Variants in CMBL observed in about 807,000 individuals in gnomAD.
CMBL encodes carboxymethylenebutenolidase homolog (Pseudomonas).
CMBL carries 17 observed loss-of-function variants against 28.7 expected under a neutral mutation model. The observed-to-expected ratio is 0.59, with a 90% CI of 0.41 to 0.89. The LOEUF (loss-of-function observed/expected upper bound fraction) is 0.89, where lower values mean the gene tolerates loss of function less well. CMBL is among the 40% of genes least tolerant of loss of function. CMBL has a pLI of 0.00. For missense variants in CMBL, 310 were observed against 298.5 expected (o/e 1.04, Z -0.28); for synonymous variants, 106 against 101.6 (o/e 1.04, Z -0.26).
At chr5:10,293,835 C>T (rs988094661) in intron 1 of CMBL, among the ~76,000 whole-genome samples, 19 of 152,214 alleles carry the variant, frequency 1.2e-4, no homozygotes, top group African/African-American at 4.6e-4. Context: ...CCTCAGGAAG[C>T]ACATTCTAGT....
chr5:10,291,242 TC>T (rs1309628313), intron 1 of CMBL, among the ~76,000 whole-genome samples: 2 of 152,104 alleles, frequency 1.3e-5, no homozygotes, highest in Non-Finnish European at 2.9e-5. Flanking sequence ...GCCTGCAATG[TC>T]GAGCCCCAAA....
chr5:10,304,285 C>T (rs1444322538), intron 1 of CMBL, among the ~76,000 whole-genome samples: 1 of 152,154 alleles, frequency 6.6e-6, no homozygotes, highest in Non-Finnish European at 1.5e-5. Context: ...AGGAGGAGCA[C>T]TTGGGCCCAG....
chr5:10,283,771 A>T (rs1465755133), intron 4 of CMBL, among the ~76,000 whole-genome samples: 3 of 152,180 alleles, frequency 2.0e-5, no homozygotes, highest in Non-Finnish European at 4.4e-5. Context: ...CTCAAAAAAT[A>T]ATAACAATAG....
At position 10,288,669 on chromosome 5, in the gene CMBL, G is replaced by C. The variant is rs564371257; in HGVS notation, c.216-140C>G. On this transcript the variant is annotated intron_variant, in intron 2 of 5. Transcript: ENST00000296658. ...AGTAGTGGGTGTGAAGGCCAATTTTGATCGCAGCAAAGCAGCCACCTGGCA... is the reference window on the plus strand; with the variant it reads ...AGTAGTGGGTGTGAAGGCCAATTTTCATCGCAGCAAAGCAGCCACCTGGCA... 1.2e-5 allele frequency: 8 copies of C among 666,212 alleles called. No homozygotes were observed. In the African/African-American group the frequency reaches 1.4e-4, roughly 12 times the overall value. The allele number at this position is 666,212 out of a possible 1,614,324, so 41.3% of individuals were successfully genotyped here.
chr5:10,291,010 A>C (rs909269870), intron 1 of CMBL, among the ~76,000 whole-genome samples: 3 of 152,202 alleles, frequency 2.0e-5, no homozygotes, highest in Admixed American at 6.5e-5. Flanking sequence ...AATAGCGATG[A>C]AAGAACTCAC....
intron 1 of CMBL, among the ~76,000 whole-genome samples, chr5:10,301,484 C>A (rs1430042388): frequency 6.6e-6 from 1 of 151,868 alleles, no homozygotes; most frequent in Non-Finnish European, 1.5e-5. Flanking sequence ...AACACCATGA[C>A]CAAAGGTAAG....
At chr5:10,291,017 TCA>T (rs1161602055) in intron 1 of CMBL, among the ~76,000 whole-genome samples, 1 of 151,906 alleles carries the variant, frequency 6.6e-6, no homozygotes, top group East Asian at 1.9e-4. Flanking sequence ...ATGAAAGAAC[TCA>T]CAGGGAAAAG....
In CMBL at chr5:10,288,508, A is replaced by C. The variant is rs775237601; in HGVS notation, c.237T>G (p.Phe79Leu). Residue 79 changes from phenylalanine to leucine, a missense_variant, in exon 3 of 6, where the codon TTT (phenylalanine) becomes TTG (leucine). Physicochemically the swap from Phe to Leu is conservative, Grantham distance 22. Coordinates refer to ENST00000296658, the MANE Select transcript of CMBL (RefSeq NM_138809.4). ...NGYTTIVPDF[F>L]VGQEPWDPSG... ...AGGGGTCCCAAGGCTCTTGCCCTAC[A>C]AAGAAGTCTGGAACAATGGTTCTGC... 5 of 1,613,834 alleles carry C rather than the reference A, an allele frequency of 3.1e-6. No individual in the cohort carries two copies. The highest frequency in any genetic ancestry group is 1.3e-5 in the African/African-American group (1 of 75,034).
At chr5:10,302,720 C>G (rs988664453) in intron 1 of CMBL, among the ~76,000 whole-genome samples, 1 of 152,132 alleles carries the variant, frequency 6.6e-6, no homozygotes, top group Non-Finnish European at 1.5e-5. Context: ...ACTGACGAAA[C>G]AGACTTTTTG....
chr5:10,294,416 TA>T (rs960499803), intron 1 of CMBL, among the ~76,000 whole-genome samples: 1 of 151,992 alleles, frequency 6.6e-6, no homozygotes, highest in African/African-American at 2.4e-5. Context: ...ATTCAAAACT[TA>T]ACTGGGCATG....
At chr5:10,285,221 T>C (rs1047975762) in intron 4 of CMBL, among the ~76,000 whole-genome samples, 2 of 152,166 alleles carry the variant, frequency 1.3e-5, no homozygotes, top group Non-Finnish European at 2.9e-5. Context: ...TGGGTTGGAG[T>C]GCAGTGGCAC....
intron 4 of CMBL, among the ~76,000 whole-genome samples, chr5:10,283,092 G>GGAAAA (rs773416851): frequency 1.2e-4 from 14 of 120,006 alleles, no homozygotes; most frequent in Non-Finnish European, 1.2e-4. Flanking sequence ...CTCCGTCTCA[G>GGAAAA]AAAAAAAAAA....
At chr5:10,305,692 C>T (rs1049363398) in intron 1 of CMBL, among the ~76,000 whole-genome samples, 1 of 152,164 alleles carries the variant, frequency 6.6e-6, no homozygotes, top group African/African-American at 2.4e-5. Flanking sequence ...CTGCCACAGC[C>T]TCCTGAGTAG....
intron 2 of CMBL, 31 bp downstream of exon 2, chr5:10,290,517 T>G: frequency 1.9e-6 from 3 of 1,575,268 alleles, no homozygotes; most frequent in Non-Finnish European, 2.6e-6. Flanking sequence ...TTTGTATGAA[T>G]TTAAACAAAG....
In CMBL at chr5:10,280,352, C is replaced by T. The variant is rs116704059; in HGVS notation, c.*101G>A. On this transcript the variant is annotated 3_prime_UTR_variant, in exon 6 of 6. Coordinates refer to ENST00000296658, the MANE Select transcript of CMBL (RefSeq NM_138809.4). ...GAAATAATCAATTTTAGGATTCCTACACTTATTTTATAAAAGTGAAAATTA... is the reference window on the plus strand; with the variant it reads ...GAAATAATCAATTTTAGGATTCCTATACTTATTTTATAAAAGTGAAAATTA... The T allele has an allele frequency of 1.2e-6, 1 of 862,280 alleles. No homozygotes were observed. The highest frequency in any genetic ancestry group is 1.7e-6 in the Non-Finnish European group (1 of 575,402). 53.4% of individuals were successfully genotyped at this position (862,280 alleles called of 1,614,324 possible). A position where few individuals can be genotyped will look rare whatever the true frequency, so the allele number is the denominator to read the frequency against.
At position 10,290,722 on chromosome 5, in the gene CMBL, T is replaced by C. The variant is rs748390410; in HGVS notation, c.41A>G (p.His14Arg). 6 of 1,614,106 alleles carry C rather than the reference T, an allele frequency of 3.7e-6. No individual in the cohort carries two copies. Reference sequence around the variant, plus strand: ...GCCTAGCCCTCCATACTCAAGTCTGTGGCCAATGTCACACGGACAAGGATA... The same window carrying C: ...GCCTAGCCCTCCATACTCAAGTCTGCGGCCAATGTCACACGGACAAGGATA... ...EAYPCPCDIG[H>R]RLEYGGLGRE... The change falls in exon 2 of 6, where the codon CAC becomes CGC. Residue 14 changes from histidine to arginine, a missense_variant. Coordinates refer to ENST00000296658, the MANE Select transcript of CMBL (RefSeq NM_138809.4).
chr5:10,297,429 G>A (rs1746827580), intron 1 of CMBL, among the ~76,000 whole-genome samples: 1 of 152,042 alleles, frequency 6.6e-6, no homozygotes, highest in African/African-American at 2.4e-5. Flanking sequence ...AATTAGCCAG[G>A]CAGGGTGGTG....
At position 10,278,340 on chromosome 5, in the gene CMBL, T is replaced by C. The variant is rs571111515; in HGVS notation, c.*2113A>G. Among the ~76,000 whole-genome samples the C allele has an allele frequency of 6.6e-6, 1 of 152,292 alleles. No individual in the cohort carries two copies. Among genetic ancestry groups the C allele is most frequent in the South Asian group, 2.1e-4 (1 of 4,828 alleles). ...ACATCTGCCTTACAAAACCGCCTCC[T>C]GGGACCACCTTCCCATGGACAGCTG... On this transcript the variant is annotated 3_prime_UTR_variant, in exon 6 of 6. Coordinates refer to ENST00000296658, the MANE Select transcript of CMBL (RefSeq NM_138809.4).
intron 1 of CMBL, among the ~76,000 whole-genome samples, chr5:10,298,487 G>GGCCCTGTGA (rs1746844528): frequency 6.6e-6 from 1 of 152,230 alleles, no homozygotes; most frequent in South Asian, 2.1e-4. Context: ...GGCAGGGGAA[G>GGCCCTGTGA]ATGATGGCAT....
Sources: gnomAD v4.1 joint callset for allele counts (sites outside exome capture counted in the v4.1 genomes callset) on GRCh38, gnomAD v4.1.1 for gene constraint, MANE v1.5 for transcripts, NCBI Gene and HGNC (gene_info 2026-07-23, HGNC 2026-07-21) for gene names.